ADAM32: variants seen among roughly 807,000 people sequenced by gnomAD.
The protein encoded by ADAM32 is disintegrin and metalloproteinase domain-containing protein 32.
A neutral mutation model predicts 114.9 loss-of-function variants in ADAM32; 89 were observed. The ratio of observed to expected loss-of-function variants is 0.77; its 90% CI spans 0.65 to 0.92. The LOEUF (loss-of-function observed/expected upper bound fraction) is 0.92, where lower values mean the gene tolerates loss of function less well. Among genes scored for constraint, ADAM32 ranks in the 40% least tolerant of loss-of-function variants. The pLI is 0.00. For synonymous variants in ADAM32, 285 were observed against 307.5 expected (o/e 0.93, Z 0.77); for missense variants, 870 against 932.8 (o/e 0.93, Z 0.88).
At chr8:39,281,282 C>T (rs908649804) in intron 23 of ADAM32, 108 bp downstream of exon 23, 6 of 471,958 alleles carry the variant, frequency 1.3e-5, no homozygotes, top group African/African-American at 6.2e-5. Context: ...CAGCCACAAT[C>T]GATAAAGTCT....
intron 16 of ADAM32, among the ~76,000 whole-genome samples, chr8:39,238,907 A>C (rs1432779273): frequency 2.0e-5 from 3 of 151,986 alleles, no homozygotes; most frequent in Non-Finnish European, 1.5e-5. Flanking sequence ...CAAAGCCTCC[A>C]TGAAGTTTGG....
intron 2 of ADAM32, among the ~76,000 whole-genome samples, chr8:39,120,467 A>G (rs1217875179): frequency 1.3e-5 from 2 of 152,166 alleles, no homozygotes; most frequent in African/African-American, 4.8e-5. Flanking sequence ...TATGAACATT[A>G]AAGGTGTTCC....
chr8:39,195,720 G>A (rs57635213), intron 11 of ADAM32, among the ~76,000 whole-genome samples: 21,885 of 152,030 alleles, frequency 0.14, 1,762 homozygotes, highest in Middle Eastern at 0.26. Flanking sequence ...TAAATAGATG[G>A]GTTTATTTCT....
intron 11 of ADAM32, among the ~76,000 whole-genome samples, chr8:39,190,749 A>G (rs746572298): frequency 1.1e-4 from 17 of 152,044 alleles, no homozygotes; most frequent in Non-Finnish European, 2.4e-4. Flanking sequence ...TTTAAGTGAG[A>G]TTTACTTGTG....
At chr8:39,226,831 C>A (rs536589843) in intron 14 of ADAM32, among the ~76,000 whole-genome samples, 1 of 152,064 alleles carries the variant, frequency 6.6e-6, no homozygotes, top group South Asian at 2.1e-4. Context: ...AAAAATATAA[C>A]GTTCACTGGT....
intron 20 of ADAM32, among the ~76,000 whole-genome samples, chr8:39,273,207 A>C (rs983896939): frequency 6.6e-6 from 1 of 152,020 alleles, no homozygotes; most frequent in African/African-American, 2.4e-5. Context: ...TAAAATAATG[A>C]TAAAAAGGAC....
chr8:39,147,232 GT>G lies in ADAM32; in HGVS notation c.276+35del, dbSNP rs534815261. 369 of 943,060 alleles carry G rather than the reference GT, an allele frequency of 3.9e-4. No individual in the cohort carries two copies. The Middle Eastern group carries it at 4.4e-3, about 11-fold the overall frequency. The allele number at this position is 943,060 out of a possible 1,614,324, so 58.4% of individuals were successfully genotyped here. A position where few individuals can be genotyped will look rare whatever the true frequency, so the allele number is the denominator to read the frequency against. On this transcript the variant is annotated intron_variant, in intron 4 of 24. Coordinates refer to ENST00000379907, the MANE Select transcript of ADAM32 (RefSeq NM_145004.7). Reference sequence around the variant, plus strand: ...TAAGATTTAAATTCTGTGTTTTATAGTTTTTTTTAAATTTTTTTACATTAAA... The same window carrying G: ...TAAGATTTAAATTCTGTGTTTTATAGTTTTTTTAAATTTTTTTACATTAAA...
intron 1 of ADAM32, among the ~76,000 whole-genome samples, chr8:39,110,253 T>C (rs1007695787): frequency 6.6e-6 from 1 of 152,144 alleles, no homozygotes; most frequent in Admixed American, 6.5e-5. Flanking sequence ...GTATTTTTAG[T>C]AGAGATGGGG....
intron 16 of ADAM32, among the ~76,000 whole-genome samples, chr8:39,243,445 T>C (rs543753485): frequency 1.9e-4 from 29 of 152,222 alleles, no homozygotes; most frequent in Non-Finnish European, 4.4e-5. Context: ...CATGATCAAG[T>C]TGGTATCATA....
chr8:39,275,531 T>C (rs1490005757), intron 21 of ADAM32, among the ~76,000 whole-genome samples: 2 of 152,200 alleles, frequency 1.3e-5, no homozygotes. Context: ...AATCAGGCAT[T>C]TAAAATAAAG....
intron 11 of ADAM32, among the ~76,000 whole-genome samples, chr8:39,201,964 C>T (rs1233678065): frequency 1.3e-5 from 2 of 152,108 alleles, no homozygotes; most frequent in African/African-American, 4.8e-5. Flanking sequence ...GCCTTGCATC[C>T]CAGGGATGAA....
chr8:39,130,685 A>G (rs912011483), intron 2 of ADAM32, among the ~76,000 whole-genome samples: 1 of 152,086 alleles, frequency 6.6e-6, no homozygotes, highest in Non-Finnish European at 1.5e-5. Flanking sequence ...TTAAATTTTC[A>G]AATTTTTGAG....
rs886502173 is a variant in ADAM32, at chr8:39,281,177, A to T, written c.2318+3A>T. The T allele has an allele frequency of 2.2e-6, 3 of 1,373,588 alleles. No individual in the cohort carries two copies. Among genetic ancestry groups the T allele is most frequent in the Non-Finnish European group, 2.9e-6 (3 of 1,043,380 alleles). The allele number at this position is 1,373,588 out of a possible 1,614,324, so 85.1% of individuals were successfully genotyped here. A position where few individuals can be genotyped will look rare whatever the true frequency, so the allele number is the denominator to read the frequency against. On this transcript the variant is annotated splice_donor_region_variant and intron_variant, in intron 23 of 24. Coordinates refer to ENST00000379907, the MANE Select transcript of ADAM32 (RefSeq NM_145004.7). ...AGTGCTGAAGCATATACTAGCAGGT[A>T]AGCAGGATAGAAAGTGTTACTTATA...
chr8:39,143,912 C>G (rs1291101194), intron 3 of ADAM32, among the ~76,000 whole-genome samples: 1 of 152,162 alleles, frequency 6.6e-6, no homozygotes, highest in East Asian at 1.9e-4. Flanking sequence ...GTAGGCTATT[C>G]AAGCCTCAGT....
intron 12 of ADAM32, among the ~76,000 whole-genome samples, chr8:39,213,980 G>T (rs1020983826): frequency 6.6e-6 from 1 of 152,030 alleles, no homozygotes; most frequent in Non-Finnish European, 1.5e-5. Flanking sequence ...TTAATATAAT[G>T]ACCTCTAGTT....
At chr8:39,187,382 C>T (rs1229033532) in intron 11 of ADAM32, among the ~76,000 whole-genome samples, 1 of 152,216 alleles carries the variant, frequency 6.6e-6, no homozygotes, top group Non-Finnish European at 1.5e-5. Context: ...CACCATTCTC[C>T]TGCCTCGGCC....
intron 5 of ADAM32, 94 bp downstream of exon 5, chr8:39,149,961 C>A: frequency 4.2e-6 from 4 of 955,624 alleles, no homozygotes; most frequent in Non-Finnish European, 6.3e-6. Context: ...GTTGAAGGAG[C>A]TTTCCTATGT....
At position 39,282,269 on chromosome 8, in the gene ADAM32, C is replaced by A. The variant is rs534993293; in HGVS notation, c.2318+1095C>A. ...TTCCCTACCTATTTATAGGTAGCAT[C>A]TTGCAGGGTTAATGCTCAATAAATA... On this transcript the variant is annotated intron_variant, in intron 23 of 24. Transcript: ENST00000379907. 4.6e-5 allele frequency among the ~76,000 whole-genome samples: 7 copies of A among 152,286 alleles called. No homozygotes were observed. The East Asian group carries it at 1.2e-3, about 25-fold the overall frequency.
intron 10 of ADAM32, 125 bp downstream of exon 10, chr8:39,170,122 G>T: frequency 1.5e-6 from 1 of 674,490 alleles, no homozygotes; most frequent in Non-Finnish European, 2.3e-6. Context: ...TTCCATTACT[G>T]TTAAAATTTT....
Sources: gnomAD v4.1 joint callset for allele counts (sites outside exome capture counted in the v4.1 genomes callset) on GRCh38, gnomAD v4.1.1 for gene constraint, MANE v1.5 for transcripts, NCBI Gene and HGNC (gene_info 2026-07-23, HGNC 2026-07-21) for gene names.